Variants in ARHGAP24 observed in about 807,000 individuals in gnomAD.
ARHGAP24 encodes Rho GTPase activating protein 24.
ARHGAP24 carries 50 observed loss-of-function variants against 76.4 expected under a neutral mutation model. The ratio of observed to expected loss-of-function variants is 0.65; its 90% CI spans 0.52 to 0.83. The LOEUF is 0.83. Among genes scored for constraint, ARHGAP24 ranks in the 40% least tolerant of loss-of-function variants. The pLI is 0.00. For synonymous variants in ARHGAP24, 345 were observed against 323.3 expected (o/e 1.07, Z -0.72); for missense variants, 930 against 914.2 (o/e 1.02, Z -0.22).
At chr4:85,705,460 C>T (rs923172027) in intron 2 of ARHGAP24, among the ~76,000 whole-genome samples, 12 of 152,288 alleles carry the variant, frequency 7.9e-5, no homozygotes, top group Admixed American at 5.9e-4. Context: ...TGACTACACA[C>T]TCACTGTGAG....
chr4:85,816,166 C>G (rs1729228876), intron 3 of ARHGAP24, among the ~76,000 whole-genome samples: 1 of 152,272 alleles, frequency 6.6e-6, no homozygotes. Flanking sequence ...CATATCAGAA[C>G]ATTTAAGATC....
chr4:85,768,643 T>G (rs981476206), intron 3 of ARHGAP24, among the ~76,000 whole-genome samples: 8 of 152,088 alleles, frequency 5.3e-5, no homozygotes, highest in African/African-American at 1.9e-4. Context: ...CCGGGTGTGG[T>G]GGCGCACGCC....
At chr4:85,895,214 A>C (rs915614644) in intron 3 of ARHGAP24, among the ~76,000 whole-genome samples, 1 of 152,112 alleles carries the variant, frequency 6.6e-6, no homozygotes, top group African/African-American at 2.4e-5. Context: ...AAATAAAAGT[A>C]ATATATTTAG....
In ARHGAP24 at chr4:85,717,448, C is replaced by G. The variant is rs566784719; in HGVS notation, c.181-4437C>G. On this transcript the variant is annotated intron_variant, in intron 2 of 9. Transcript: ENST00000395184. ...AATCTCCATCTGCTTTGCGCAAGAA[C>G]CTACCCTGGCTCTCAGCTGCTACAG... is the stretch of plus-strand genomic sequence containing the variant. Among the ~76,000 whole-genome samples, 107 of 152,190 alleles carry G rather than the reference C, an allele frequency of 7.0e-4. 1 individual carries two copies. The highest frequency in any genetic ancestry group is 2.6e-3 in the African/African-American group (107 of 41,542).
At chr4:85,848,609 A>T (rs532969039) in intron 3 of ARHGAP24, among the ~76,000 whole-genome samples, 1 of 152,148 alleles carries the variant, frequency 6.6e-6, no homozygotes, top group South Asian at 2.1e-4. Context: ...GTCAATATTG[A>T]GTTAATTTTT....
At chr4:85,666,881 C>T (rs562256110) in intron 2 of ARHGAP24, among the ~76,000 whole-genome samples, 6 of 152,238 alleles carry the variant, frequency 3.9e-5, no homozygotes, top group East Asian at 3.9e-4. Context: ...AGTACCCAGC[C>T]GTGTGAGATG....
intron 2 of ARHGAP24, among the ~76,000 whole-genome samples, chr4:85,685,643 A>AAAGAAAAGAAAAG (rs1553922810): frequency 2.0e-5 from 3 of 150,096 alleles, no homozygotes; most frequent in African/African-American, 7.5e-5. Context: ...AAAAAAAAAA[A>AAAGAAAAGAAAAG]AAAAGAAAAG....
At chr4:85,613,012 G>T (rs1298013811) in intron 2 of ARHGAP24, among the ~76,000 whole-genome samples, 1 of 151,644 alleles carries the variant, frequency 6.6e-6, no homozygotes, top group African/African-American at 2.4e-5. Flanking sequence ...TGCCCAGGCT[G>T]GTCTTGAACT....
At chr4:85,550,421 C>T (rs1374579790) in intron 1 of ARHGAP24, among the ~76,000 whole-genome samples, 1 of 152,156 alleles carries the variant, frequency 6.6e-6, no homozygotes, top group African/African-American at 2.4e-5. Context: ...GTTTTTGTAA[C>T]AATATCATGC....
intron 3 of ARHGAP24, among the ~76,000 whole-genome samples, chr4:85,754,691 T>C (rs941868371): frequency 1.3e-5 from 2 of 152,242 alleles, no homozygotes; most frequent in African/African-American, 4.8e-5. Flanking sequence ...AGTTTGGTTC[T>C]TGACAATTTA....
chr4:85,839,452 CT>C (rs921210291), intron 3 of ARHGAP24, among the ~76,000 whole-genome samples: 9 of 151,656 alleles, frequency 5.9e-5, no homozygotes, highest in Admixed American at 1.3e-4. Context: ...ATAATTCTAA[CT>C]TTTTTTTTCT....
chr4:85,639,260 T>A (rs1336462762), intron 2 of ARHGAP24, among the ~76,000 whole-genome samples: 1 of 152,184 alleles, frequency 6.6e-6, no homozygotes, highest in Non-Finnish European at 1.5e-5. Context: ...AATAGTTCAG[T>A]GTTATTATCT....
chr4:85,722,365 C>T (rs747839226), intron 3 of ARHGAP24: 32 of 163,152 alleles, frequency 2.0e-4, no homozygotes, highest in Middle Eastern at 5.2e-4. Context: ...ATTGTATCTT[C>T]AAGGAGGTTT....
At chr4:85,660,794 CAAAAAAA>C (rs34228407) in intron 2 of ARHGAP24, among the ~76,000 whole-genome samples, 2 of 59,438 alleles carry the variant, frequency 3.4e-5, no homozygotes, top group Non-Finnish European at 6.2e-5. Context: ...GACTCCGTCT[CAAAAAAA>C]AAAAAAAAAA....
chr4:85,602,642 G>T (rs1313567778), intron 2 of ARHGAP24, among the ~76,000 whole-genome samples: 1 of 151,968 alleles, frequency 6.6e-6, no homozygotes, highest in Admixed American at 6.6e-5. Context: ...AAATTAAGAG[G>T]TTAAGAATGA....
intron 3 of ARHGAP24, among the ~76,000 whole-genome samples, chr4:85,777,793 GAATA>G (rs972831849): frequency 1.3e-5 from 2 of 151,790 alleles, no homozygotes; most frequent in African/African-American, 4.8e-5. Flanking sequence ...ATGAATGAAT[GAATA>G]CATTTCAAAA....
chr4:85,855,970 T>C (rs1319575159), intron 3 of ARHGAP24, among the ~76,000 whole-genome samples: 1 of 152,188 alleles, frequency 6.6e-6, no homozygotes, highest in Non-Finnish European at 1.5e-5. Context: ...AAAACTACTA[T>C]GAACATTCAT....
At chr4:85,653,468 T>C (rs1174732645) in intron 2 of ARHGAP24, among the ~76,000 whole-genome samples, 1 of 134,538 alleles carries the variant, frequency 7.4e-6, no homozygotes, top group East Asian at 4.1e-4. Flanking sequence ...TTAATGTAAA[T>C]TATTTAATTA....
At chr4:85,569,137 G>A (rs952277948) in intron 1 of ARHGAP24, among the ~76,000 whole-genome samples, 4 of 152,144 alleles carry the variant, frequency 2.6e-5, no homozygotes, top group Non-Finnish European at 5.9e-5. Flanking sequence ...AAAAAATAGT[G>A]ATGAATATAA....
Sources: allele counts gnomAD v4.1 joint callset (sites outside exome capture counted in the v4.1 genomes callset), GRCh38; gene constraint gnomAD v4.1.1; transcripts MANE v1.5; gene names NCBI Gene and HGNC (gene_info 2026-07-23, HGNC 2026-07-21).